The following CACNA1H variants were observed in gnomAD, a reference collection of about 807,000 sequenced individuals.
CACNA1H encodes calcium voltage-gated channel subunit alpha1 H, also known as voltage-dependent T-type calcium channel subunit alpha-1H.
CACNA1H carries 149 observed loss-of-function variants against 192.5 expected under a neutral mutation model. The ratio of observed to expected loss-of-function variants is 0.77; its 90% CI spans 0.68 to 0.89. CACNA1H has a LOEUF of 0.89. Ranked by LOEUF, CACNA1H falls within the 40% of genes least tolerant of loss-of-function variation. The pLI is 0.00. For synonymous variants in CACNA1H, 2,202 were observed against 1,475.2 expected, an observed-to-expected ratio of 1.49 and a Z score of -11.29; for missense variants, 4,257 against 3,423.5, an observed-to-expected ratio of 1.24 and a Z score of -6.08.
chr16:1,180,512 C>G lies in CACNA1H; in HGVS notation c.300-14460C>G, dbSNP rs1232671587. Among the ~76,000 whole-genome samples the G allele has an allele frequency of 2.6e-5, 4 of 152,142 alleles. No individual in the cohort carries two copies. The highest frequency in any genetic ancestry group is 9.7e-5 in the African/African-American group (4 of 41,444). ...CTGGTGTCCCTGGCGTCCCCATACC[C>G]CCTCCGAGGCACAGCCACAGTCTCT... On this transcript the variant is annotated intron_variant, in intron 2 of 34. Coordinates refer to ENST00000348261, the MANE Select transcript of CACNA1H (RefSeq NM_021098.3). This position sits in a 1 kb window ranked among gnomAD's most constrained non-coding sequence, Gnocchi z 4.4.
chr16:1,188,907 G>T (rs1349031601), intron 2 of CACNA1H, among the ~76,000 whole-genome samples: 1 of 152,198 alleles, frequency 6.6e-6, no homozygotes, highest in Non-Finnish European at 1.5e-5. Flanking sequence ...CTGCAGCACT[G>T]CCCGCCCTGC....
At chr16:1,210,522 C>A (rs780153215) in intron 19 of CACNA1H, 29 bp downstream of exon 19, 2 of 1,610,966 alleles carry the variant, frequency 1.2e-6, no homozygotes, top group Non-Finnish European at 1.7e-6. Flanking sequence ...TCGTCCCGGG[C>A]CACCACGACC....
intron 30 of CACNA1H, among the ~76,000 whole-genome samples, chr16:1,216,374 G>C (rs776921763): frequency 6.6e-6 from 1 of 152,266 alleles, no homozygotes; most frequent in Non-Finnish European, 1.5e-5. Context: ...CGTAGGACAG[G>C]CCTGGCCAGC....
At position 1,169,089 on chromosome 16, in the gene CACNA1H, T is replaced by C. The variant is rs568469328; in HGVS notation, c.299+15053T>C. Among the ~76,000 whole-genome samples the C allele has an allele frequency of 2.8e-5, 4 of 145,038 alleles. No individual in the cohort carries two copies. In the South Asian group the frequency reaches 8.7e-4, roughly 32 times the overall value. On this transcript the variant is annotated intron_variant, in intron 2 of 34. Coordinates refer to ENST00000348261, the MANE Select transcript of CACNA1H (RefSeq NM_021098.3). ...CAGGAGATGGAGGGAGGAAAGGTTC[T>C]GGACTGTTCCAGATACCAGAACGCT...
chr16:1,209,692 G>C (rs1357558556), intron 17 of CACNA1H, among the ~76,000 whole-genome samples: 1 of 152,210 alleles, frequency 6.6e-6, no homozygotes, highest in Non-Finnish European at 1.5e-5. Flanking sequence ...TCAGCCACTG[G>C]CCGAGAGCTG....
At chr16:1,157,509 T>C (rs568512492) in intron 2 of CACNA1H, 5 of 152,238 alleles carry the variant, frequency 3.3e-5, no homozygotes, top group Non-Finnish European at 7.4e-5. Flanking sequence ...GCTGTCACGC[T>C]GCTCCGCGGG....
rs1256029121 is a variant in CACNA1H at position 1,201,860 on chromosome 16, G to A, written c.1410G>A (p.Lys470=). ...AGTACGTGGGCCACATATTCCGCAA[G>A]GTCAAGCGGCGCAGCTTGCGCCTCT... ...LLKYVGHIFR[K]VKRRSLRLYA... The change falls in exon 9 of 35, where the codon AAG becomes AAA. Residue 470 remains lysine (K), a synonymous_variant. Transcript: ENST00000348261. 1.9e-6 allele frequency: 3 copies of A among 1,560,350 alleles called. No homozygotes were observed. The highest frequency in any genetic ancestry group is 1.9e-5 in the Admixed American group (1 of 51,930).
chr16:1,201,545 C>G (rs1295729662), intron 8 of CACNA1H, 118 bp from the exon 9 acceptor site: 2 of 1,271,564 alleles, frequency 1.6e-6, no homozygotes, highest in African/African-American at 1.5e-5. Flanking sequence ...TAGCAGGGCA[C>G]CTCGCCCACT....
At chr16:1,212,569 G>A (rs781573084) in intron 26 of CACNA1H, 41 bp downstream of exon 26, 8 of 1,597,636 alleles carry the variant, frequency 5.0e-6, no homozygotes, top group South Asian at 2.3e-5. Flanking sequence ...CCGCTTCTGC[G>A]GCCGCTGCTC....
intron 5 of CACNA1H, among the ~76,000 whole-genome samples, chr16:1,198,106 A>G (rs1967212651): frequency 6.6e-6 from 1 of 152,126 alleles, no homozygotes; most frequent in Non-Finnish European, 1.5e-5. Flanking sequence ...AGAGACCCCC[A>G]GGAGGCAGCC....
intron 2 of CACNA1H, among the ~76,000 whole-genome samples, chr16:1,158,947 G>A (rs1962820286): frequency 6.6e-6 from 1 of 152,174 alleles, no homozygotes; most frequent in Admixed American, 6.5e-5. Context: ...GCTGGGACCG[G>A]GCAGGGGTCT....
At chr16:1,183,901 C>T (rs747447799) in intron 2 of CACNA1H, among the ~76,000 whole-genome samples, 12 of 152,372 alleles carry the variant, frequency 7.9e-5, no homozygotes, top group African/African-American at 2.6e-4. Flanking sequence ...TGAATTAATT[C>T]CCTCCTGGAT....
chr16:1,193,471 G>A (rs938568076), intron 2 of CACNA1H, among the ~76,000 whole-genome samples: 11 of 152,250 alleles, frequency 7.2e-5, no homozygotes, highest in Non-Finnish European at 2.9e-5. Flanking sequence ...TGTGCTCTGA[G>A]GCTTGCCGTG....
intron 2 of CACNA1H, among the ~76,000 whole-genome samples, chr16:1,186,748 G>A (rs78589597): frequency 0.025 from 3,805 of 152,274 alleles, 93 homozygotes; most frequent in African/African-American, 0.06. Context: ...CCTGGCCGGT[G>A]AATGTGCCAC....
At chr16:1,170,148 G>A (rs1964216838) in intron 2 of CACNA1H, among the ~76,000 whole-genome samples, 1 of 152,208 alleles carries the variant, frequency 6.6e-6, no homozygotes, top group South Asian at 2.1e-4. Context: ...GTGTGCCAGG[G>A]GAGGGGCCTG....
At position 1,221,341 on chromosome 16, in the gene CACNA1H, G is replaced by A; in HGVS notation, c.*347G>A. On this transcript the variant is annotated 3_prime_UTR_variant, in exon 35 of 35. Coordinates refer to ENST00000348261, the MANE Select transcript of CACNA1H (RefSeq NM_021098.3). ...AAGGTACCAGGTTGCGTCCTTTCAG[G>A]CCCCGCGTTGTTACAGGACACTCGC... The A allele has an allele frequency of 2.9e-6, 1 of 350,460 alleles. No homozygotes were observed. The allele number at this position is 350,460 out of a possible 1,614,324, so 21.7% of individuals were successfully genotyped here.
chr16:1,197,397 G>GC (rs1215925028), intron 5 of CACNA1H, among the ~76,000 whole-genome samples: 2 of 152,236 alleles, frequency 1.3e-5, no homozygotes, highest in Non-Finnish European at 2.9e-5. Flanking sequence ...AGCACACACA[G>GC]CCCCTTCCTT....
intron 2 of CACNA1H, among the ~76,000 whole-genome samples, chr16:1,183,266 G>A (rs972331419): frequency 6.6e-6 from 1 of 152,136 alleles, no homozygotes; most frequent in African/African-American, 2.4e-5. Flanking sequence ...TGATGGCGCC[G>A]CGTTCCCCCA....
chr16:1,210,543 G>A, intron 19 of CACNA1H, 40 bp from the exon 20 acceptor site: 2 of 1,610,516 alleles, frequency 1.2e-6, no homozygotes, highest in Non-Finnish European at 8.5e-7. Flanking sequence ...CCCAGGGAGG[G>A]GTGGAGTGGA....
Sources: gnomAD v4.1 joint callset for allele counts (sites outside exome capture counted in the v4.1 genomes callset) on GRCh38, gnomAD v4.1.1 for gene constraint, Gnocchi (gnomAD v3.1) non-coding constraint, MANE v1.5 for transcripts, NCBI Gene and HGNC (gene_info 2026-07-23, HGNC 2026-07-21) for gene names.